RBPMS: variants seen among roughly 807,000 people sequenced by gnomAD.
RBPMS encodes the protein RNA binding protein, mRNA processing factor.
Under a neutral mutation model 26.8 loss-of-function variants are expected in RBPMS, and 7 were observed. That is an observed-to-expected ratio of 0.26 (90% CI 0.15 to 0.49). The LOEUF (loss-of-function observed/expected upper bound fraction) is 0.49. Ranked by LOEUF, RBPMS falls within the 20% of genes least tolerant of loss-of-function variation. The pLI, the probability that RBPMS is intolerant of heterozygous loss-of-function variation, is 0.98. For synonymous variants in RBPMS, 96 were observed against 93.3 expected (o/e 1.03, Z -0.17); for missense variants, 186 against 250.0 (o/e 0.74, Z 1.73).
chr8:30,407,959 G>A (rs542713285), intron 1 of RBPMS, among the ~76,000 whole-genome samples: 1 of 150,898 alleles, frequency 6.6e-6, no homozygotes, highest in East Asian at 2.0e-4. Context: ...ATATCTCTCA[G>A]GATCCTGCCT....
intron 1 of RBPMS, among the ~76,000 whole-genome samples, chr8:30,461,698 T>C (rs969065807): frequency 1.1e-4 from 17 of 152,318 alleles, no homozygotes; most frequent in Non-Finnish European, 4.4e-5. Context: ...CCCGGCCTCA[T>C]GTACAGTTCT....
chr8:30,540,764 G>A (rs1287593966), intron 5 of RBPMS, among the ~76,000 whole-genome samples: 1 of 152,204 alleles, frequency 6.6e-6, no homozygotes, highest in Non-Finnish European at 1.5e-5. Flanking sequence ...TGACTTGAGT[G>A]TGGAAGCCGG....
chr8:30,551,385 G>T (rs1331585850), intron 6 of RBPMS, among the ~76,000 whole-genome samples: 1 of 152,142 alleles, frequency 6.6e-6, no homozygotes, highest in Non-Finnish European at 1.5e-5. Flanking sequence ...GTGTGGCTTT[G>T]GCCAGGGTCA....
intron 5 of RBPMS, among the ~76,000 whole-genome samples, chr8:30,520,653 TG>T (rs1822932612): frequency 6.6e-6 from 1 of 152,148 alleles, no homozygotes; most frequent in Non-Finnish European, 1.5e-5. Flanking sequence ...TGCATTTCTT[TG>T]GCTATTTATC....
intron 1 of RBPMS, among the ~76,000 whole-genome samples, chr8:30,454,957 G>A (rs1341513780): frequency 1.3e-5 from 2 of 152,158 alleles, no homozygotes; most frequent in East Asian, 3.9e-4. Flanking sequence ...CAAGTAGCTG[G>A]GATTACAGGC....
At chr8:30,453,567 T>G (rs988162134) in intron 1 of RBPMS, 19 of 152,366 alleles carry the variant, frequency 1.2e-4, no homozygotes, top group Admixed American at 2.0e-4. Context: ...GTTCATGCTA[T>G]CACTAGTATA....
chr8:30,569,548 T>C (rs1026938874), intron 8 of RBPMS, among the ~76,000 whole-genome samples: 7 of 152,144 alleles, frequency 4.6e-5, no homozygotes, highest in Non-Finnish European at 1.0e-4. Context: ...GGCCAGGCTT[T>C]TGAAGGCCTT....
intron 1 of RBPMS, among the ~76,000 whole-genome samples, chr8:30,454,964 A>G (rs1290709267): frequency 6.6e-6 from 1 of 152,136 alleles, no homozygotes; most frequent in Non-Finnish European, 1.5e-5. Context: ...CTGGGATTAC[A>G]GGCACCCGCC....
intron 4 of RBPMS, among the ~76,000 whole-genome samples, chr8:30,489,662 C>G (rs930399277): frequency 6.6e-6 from 1 of 151,812 alleles, no homozygotes; most frequent in African/African-American, 2.4e-5. Context: ...TCAGGCTGGT[C>G]TGGAACTCCT....
chr8:30,447,640 G>A (rs941006455), intron 1 of RBPMS, among the ~76,000 whole-genome samples: 33 of 152,186 alleles, frequency 2.2e-4, no homozygotes, highest in African/African-American at 6.5e-4. Flanking sequence ...ATTAAGAAGT[G>A]AAACATACGA....
intron 2 of RBPMS, among the ~76,000 whole-genome samples, chr8:30,476,345 C>G (rs754660165): frequency 6.6e-6 from 1 of 152,174 alleles, no homozygotes; most frequent in Non-Finnish European, 1.5e-5. Flanking sequence ...CTTGAGAACA[C>G]AGTATATCCC....
chr8:30,529,054 C>CA (rs147476324), intron 5 of RBPMS, among the ~76,000 whole-genome samples: 1,715 of 150,054 alleles, frequency 0.011, 40 homozygotes, highest in African/African-American at 0.038. Context: ...ACGTCTCTAC[C>CA]AAAAAAAAAT....
intron 1 of RBPMS, among the ~76,000 whole-genome samples, chr8:30,424,662 G>T (rs1746503789): frequency 6.6e-6 from 1 of 152,206 alleles, no homozygotes; most frequent in African/African-American, 2.4e-5. Flanking sequence ...ACTTCGTGGA[G>T]TTGTGAGGAT....
At chr8:30,562,012 C>T in intron 7 of RBPMS, 1 of 985,340 alleles carries the variant, frequency 1.0e-6, no homozygotes, top group Non-Finnish European at 1.2e-6. Context: ...AATAGAAGCC[C>T]TAGATCCGAA....
chr8:30,509,155 T>C (rs1030621182), intron 5 of RBPMS, among the ~76,000 whole-genome samples: 1 of 152,252 alleles, frequency 6.6e-6, no homozygotes, highest in Admixed American at 6.5e-5. Context: ...TGATGCACAG[T>C]TGAGAGTCAC....
intron 1 of RBPMS, among the ~76,000 whole-genome samples, chr8:30,410,193 T>TACACACAC (rs1809187730): frequency 9.6e-6 from 1 of 104,562 alleles, no homozygotes; most frequent in Non-Finnish European, 2.3e-5. Context: ...CACACACACT[T>TACACACAC]AACTGCTACT....
At chr8:30,542,159 T>A (rs932088158) in intron 5 of RBPMS, among the ~76,000 whole-genome samples, 7 of 152,232 alleles carry the variant, frequency 4.6e-5, no homozygotes, top group African/African-American at 1.7e-4. Context: ...TTACTACTAC[T>A]CAGCAATTTT....
chr8:30,549,152 C>T (rs1001922458), intron 6 of RBPMS, among the ~76,000 whole-genome samples: 1 of 152,216 alleles, frequency 6.6e-6, no homozygotes, highest in Admixed American at 6.5e-5. Flanking sequence ...AACCTGTGAA[C>T]AGAGTCATGT....
intron 1 of RBPMS, among the ~76,000 whole-genome samples, chr8:30,430,993 G>T (rs975395302): frequency 4.6e-5 from 7 of 152,198 alleles, no homozygotes; most frequent in African/African-American, 1.4e-4. Context: ...GTAATTATTT[G>T]TGAGTGTATT....
Sources: gnomAD v4.1 joint callset for allele counts (sites outside exome capture counted in the v4.1 genomes callset) on GRCh38, gnomAD v4.1.1 for gene constraint, MANE v1.5 for transcripts, NCBI Gene and HGNC (gene_info 2026-07-23, HGNC 2026-07-21) for gene names.